Variants in TTF2 observed in about 807,000 individuals in gnomAD.
The protein encoded by TTF2 is transcription termination factor 2, also known as RNA polymerase II termination factor.
TTF2 carries 108 observed loss-of-function variants against 142.4 expected under a neutral mutation model. The observed-to-expected ratio is 0.76, with a 90% CI of 0.65 to 0.89. TTF2 has a LOEUF of 0.89. TTF2 is among the 40% of genes least tolerant of loss of function. TTF2 has a pLI of 0.00. For synonymous variants in TTF2, 483 were observed against 506.2 expected (o/e 0.95, Z 0.61); for missense variants, 1,327 against 1,379.8 (o/e 0.96, Z 0.61).
chr1:117,063,420 G>A lies in TTF2; in HGVS notation c.218+947G>A, dbSNP rs1379191296. On this transcript the variant is annotated intron_variant, in intron 3 of 22. Coordinates refer to ENST00000369466, the MANE Select transcript of TTF2 (RefSeq NM_003594.4). The surrounding 1 kb of genome is among the most constrained non-coding windows in gnomAD (Gnocchi z 4.1). ...ACCCCTCCCATCTCCACCCCTGTCAGCAATCACTGTTCTGATTTTTATCTC... is the reference window on the plus strand; with the variant it reads ...ACCCCTCCCATCTCCACCCCTGTCAACAATCACTGTTCTGATTTTTATCTC... Among the ~76,000 whole-genome samples the A allele has an allele frequency of 6.6e-6, 1 of 152,108 alleles. No homozygotes were observed. The highest frequency in any genetic ancestry group is 2.4e-5 in the African/African-American group (1 of 41,408).
rs1647268769 is a variant in TTF2, at chr1:117,079,205, A to G, written c.1702-363A>G. On this transcript the variant is annotated intron_variant, in intron 8 of 22. Coordinates refer to ENST00000369466, the MANE Select transcript of TTF2 (RefSeq NM_003594.4). This position sits in a 1 kb window ranked among gnomAD's most constrained non-coding sequence, Gnocchi z 4.2. ...CAGTGGGCTGAGATCACGCCACTGC[A>G]CTCTAGCCTGGGCAACAGAGCGAGG... Among the ~76,000 whole-genome samples, 1 of 152,180 alleles carries G rather than the reference A, an allele frequency of 6.6e-6. No homozygotes were observed. The highest frequency in any genetic ancestry group is 2.1e-4 in the South Asian group (1 of 4,828).
Position 117,098,920 on chromosome 1 carries a change from CCCCAGGA to C in TTF2, c.3344+24_3344+30del. 1.2e-6 allele frequency: 2 copies of C among 1,609,198 alleles called. No homozygotes were observed. The highest frequency in any genetic ancestry group is 1.7e-4 in the Middle Eastern group (1 of 6,048). On this transcript the variant is annotated intron_variant, in intron 22 of 22. Coordinates refer to ENST00000369466, the MANE Select transcript of TTF2 (RefSeq NM_003594.4). ...TTGTCATACACAGGTAAGTAATGGT[CCCCAGGA>C]CCCAGGACCCTTCTCAACTTGTACT...
chr1:117,093,035 C>G lies in TTF2; in HGVS notation c.2976+134C>G, dbSNP rs1648749106. On this transcript the variant is annotated intron_variant, in intron 18 of 22. Coordinates refer to ENST00000369466, the MANE Select transcript of TTF2 (RefSeq NM_003594.4). This position sits in a 1 kb window ranked among gnomAD's most constrained non-coding sequence, Gnocchi z 4.5. ...CTAGAGCCGTTAAATTCTAGCTGATCAGATTCTCCCTCCAGTCTTAAAGCT... is the reference window on the plus strand; with the variant it reads ...CTAGAGCCGTTAAATTCTAGCTGATGAGATTCTCCCTCCAGTCTTAAAGCT... 1 of 952,040 alleles carries G rather than the reference C, an allele frequency of 1.1e-6. No homozygotes were observed. The highest frequency in any genetic ancestry group is 1.6e-5 in the South Asian group (1 of 60,614). 59.0% of individuals were successfully genotyped at this position (952,040 alleles called of 1,614,324 possible).
In TTF2 at chr1:117,076,788, A is replaced by G. The variant is rs1378052233; in HGVS notation, c.1538A>G (p.Gln513Arg). The change falls in exon 7 of 23, where the codon CAG becomes CGG. Residue 513 changes from glutamine (Q) to arginine (R), a missense_variant. Physicochemically the swap from Gln to Arg is conservative, Grantham distance 43 (BLOSUM62 1). Transcript: ENST00000369466. The surrounding 1 kb of genome is among the most constrained non-coding windows in gnomAD (Gnocchi z 4.6). ...TCTCTAGAACTAAAGTCTGCCTGCC[A>G]GGTGACTGCTGGAGGATCCAGTCAG... The part of the protein sequence containing the change: ...VGSLELKSAC[Q>R]VTAGGSSQCY... 6.2e-7 allele frequency: 1 copy of G among 1,613,990 alleles called. No homozygotes were observed. The highest frequency in any genetic ancestry group is 1.1e-5 in the South Asian group (1 of 91,046).
intron 21 of TTF2, 113 bp from the exon 22 acceptor site, chr1:117,098,720 A>G: frequency 2.3e-6 from 2 of 862,566 alleles, no homozygotes; most frequent in East Asian, 2.6e-5. Context: ...AAACTGTAAC[A>G]ATAATTTTTA....
intron 18 of TTF2, among the ~76,000 whole-genome samples, 161 bp from the exon 19 acceptor site, chr1:117,095,148 A>G (rs919438832): frequency 5.9e-5 from 9 of 152,222 alleles, no homozygotes; most frequent in South Asian, 4.1e-4. Flanking sequence ...ACAAACTCAC[A>G]TTTTAGAAAG....
Position 117,084,010 on chromosome 1 carries a change from T to C in TTF2, c.1904-8T>C, listed in dbSNP as rs1216373555. On this transcript the variant is annotated splice_region_variant and splice_polypyrimidine_tract_variant and intron_variant, in intron 10 of 22. Transcript: ENST00000369466. Reference sequence around the variant, plus strand: ...GTAACTAGGCACTGATTTTTTTCCCTTCTCAAGACTCTTGTGACTTTACTT... The same window carrying C: ...GTAACTAGGCACTGATTTTTTTCCCCTCTCAAGACTCTTGTGACTTTACTT... 6.2e-7 allele frequency: 1 copy of C among 1,613,858 alleles called. No homozygotes were observed. The highest frequency in any genetic ancestry group is 1.1e-5 in the South Asian group (1 of 91,032).
rs1205853334 is a variant in TTF2 at position 117,106,283 on chromosome 1, A to AG, written c.*4759_*4760insG. The AG allele has an allele frequency of 6.6e-6, 1 of 151,854 alleles. No individual in the cohort carries two copies. Among genetic ancestry groups the AG allele is most frequent in the East Asian group, 1.9e-4 (1 of 5,204 alleles). The allele number at this position is 151,854 out of a possible 1,614,324, so 9.4% of individuals were successfully genotyped here. A position where few individuals can be genotyped will look rare whatever the true frequency, so the allele number is the denominator to read the frequency against. On this transcript the variant is annotated 3_prime_UTR_variant, in exon 23 of 23. Coordinates refer to ENST00000369466, the MANE Select transcript of TTF2 (RefSeq NM_003594.4). ...GATGGAGATAGATATGAAAAAAAAA[A>AG]AAAGCAAACCCAGCCTAACTCCCAG...
At position 117,064,567 on chromosome 1, in the gene TTF2, G is replaced by A. The variant is rs545098226; in HGVS notation, c.218+2094G>A. On this transcript the variant is annotated intron_variant, in intron 3 of 22. Coordinates refer to ENST00000369466, the MANE Select transcript of TTF2 (RefSeq NM_003594.4). ...GAGTTTCACTCTGTCTTCCAGGCTGGAGTGCCGTGGTACAATCTTGGCTCA... is the reference window on the plus strand; with the variant it reads ...GAGTTTCACTCTGTCTTCCAGGCTGAAGTGCCGTGGTACAATCTTGGCTCA... Among the ~76,000 whole-genome samples, 724 of 152,248 alleles carry A rather than the reference G, an allele frequency of 4.8e-3. 1 individual carries two copies. The highest frequency in any genetic ancestry group is 8.2e-3 in the Non-Finnish European group (555 of 68,004).
At chr1:117,096,324 G>T in intron 20 of TTF2, 25 bp downstream of exon 20, 1 of 1,610,012 alleles carries the variant, frequency 6.2e-7, no homozygotes, top group African/African-American at 1.3e-5. Context: ...CATCAGAGCC[G>T]CATAATTAAC....
chr1:117,069,668 G>A (rs1656426439), intron 3 of TTF2, among the ~76,000 whole-genome samples: 1 of 152,210 alleles, frequency 6.6e-6, no homozygotes, highest in Non-Finnish European at 1.5e-5. Flanking sequence ...AGTCAATTAA[G>A]GTGTCTGATG....
Position 117,088,961 on chromosome 1 carries a change from T to C in TTF2, c.2321T>C (p.Leu774Ser), listed in dbSNP as rs1648293537. 6.2e-7 allele frequency: 1 copy of C among 1,612,690 alleles called. No homozygotes were observed. Among genetic ancestry groups the C allele is most frequent in the East Asian group, 2.2e-5 (1 of 44,830 alleles). Residue 774 changes from leucine to serine, a missense_variant, in exon 13 of 23, where the codon TTG (leucine) becomes TCG (serine). Leu to Ser is a moderately radical substitution (Grantham distance 145, BLOSUM62 -2). Coordinates refer to ENST00000369466, the MANE Select transcript of TTF2 (RefSeq NM_003594.4). Reference sequence around the variant, plus strand: ...GGAACCCCCATTCAAAACAACTTATTGGATATGTATTCGCTGCTGAAGTGA... The same window carrying C: ...GGAACCCCCATTCAAAACAACTTATCGGATATGTATTCGCTGCTGAAGTGA... Reference protein sequence around the residue: ...VTGTPIQNNLLDMYSLLKFLR... With the variant: ...VTGTPIQNNLSDMYSLLKFLR...
At chr1:117,095,268 G>A in intron 18 of TTF2, 41 bp from the exon 19 acceptor site, 1 of 1,606,142 alleles carries the variant, frequency 6.2e-7, no homozygotes, top group African/African-American at 1.3e-5. Context: ...GGAGAAAAGT[G>A]AATTGCTTAA....
intron 11 of TTF2, among the ~76,000 whole-genome samples, chr1:117,084,469 C>T (rs1258914849): frequency 4.6e-5 from 7 of 152,170 alleles, no homozygotes; most frequent in African/African-American, 1.4e-4. Flanking sequence ...TGTCGCAAGG[C>T]CCTCATGGCT....
At chr1:117,068,235 C>CT (rs1656298450) in intron 3 of TTF2, among the ~76,000 whole-genome samples, 1 of 152,166 alleles carries the variant, frequency 6.6e-6, no homozygotes, top group Non-Finnish European at 1.5e-5. Context: ...GTGGGTATAA[C>CT]AAGTTTTAGT....
chr1:117,060,447 CTCTT>C lies in TTF2; in HGVS notation c.29-7_29-4del, dbSNP rs1655564774. Reference sequence around the variant, plus strand: ...GCGTAATCGTTGTTCACTTTCTTCTCTCTTCAGGGACTTTCTGCTTTCTTAAGAC... The same window carrying C: ...GCGTAATCGTTGTTCACTTTCTTCTCCAGGGACTTTCTGCTTTCTTAAGAC... On this transcript the variant is annotated splice_polypyrimidine_tract_variant and splice_region_variant and intron_variant, in intron 1 of 22. Transcript: ENST00000369466. 1.2e-6 allele frequency: 2 copies of C among 1,612,608 alleles called. No individual in the cohort carries two copies. The highest frequency in any genetic ancestry group is 2.7e-5 in the African/African-American group (2 of 74,866).
chr1:117,075,831 A>G lies in TTF2; in HGVS notation c.1247A>G (p.Tyr416Cys). 1.2e-6 allele frequency: 2 copies of G among 1,609,730 alleles called. No homozygotes were observed. Among genetic ancestry groups the G allele is most frequent in the Admixed American group, 1.7e-5 (1 of 58,922 alleles). The change falls in exon 5 of 23, where the codon TAC becomes TGC. Residue 416 changes from tyrosine to cysteine, a missense_variant. Coordinates refer to ENST00000369466, the MANE Select transcript of TTF2 (RefSeq NM_003594.4). This position sits in a 1 kb window ranked among gnomAD's most constrained non-coding sequence, Gnocchi z 4.5. ...TCAGACCCAGTAGCCCGGCGTGTCT[A>G]CCTTACAACACAACTGAAACAAAAG... ...EPSDPVARRV[Y>C]LTTQLKQKKS... is the part of the protein sequence containing the mutation.
At chr1:117,098,604 G>C in intron 21 of TTF2, 1 of 445,054 alleles carries the variant, frequency 2.2e-6, no homozygotes. Flanking sequence ...GCTTAGGACA[G>C]GGATCGACAG....
chr1:117,073,029 T>C lies in TTF2; in HGVS notation c.219-632T>C, dbSNP rs1656720064. On this transcript the variant is annotated intron_variant, in intron 3 of 22. Transcript: ENST00000369466. This position sits in a 1 kb window ranked among gnomAD's most constrained non-coding sequence, Gnocchi z 4.4. ...TCAGGATCCAAATAAGGTTCACAAA[T>C]TGGAATTGATTAATATGTCTTTTAA... 6.6e-6 allele frequency among the ~76,000 whole-genome samples: 1 copy of C among 152,232 alleles called. No individual in the cohort carries two copies. The highest frequency in any genetic ancestry group is 2.1e-4 in the South Asian group (1 of 4,832).
Sources: gnomAD v4.1 joint callset for allele counts (sites outside exome capture counted in the v4.1 genomes callset) on GRCh38, gnomAD v4.1.1 for gene constraint, Gnocchi (gnomAD v3.1) non-coding constraint, MANE v1.5 for transcripts, NCBI Gene and HGNC (gene_info 2026-07-23, HGNC 2026-07-21) for gene names.